The following KHDRBS2 variants were observed in gnomAD, a reference collection of about 807,000 sequenced individuals.
KHDRBS2 encodes the protein KH RNA binding domain containing, signal transduction associated 2, also known as KH domain-containing, RNA-binding, signal transduction-associated protein 2.
A neutral mutation model predicts 44.3 loss-of-function variants in KHDRBS2; 26 were observed. The ratio of observed to expected loss-of-function variants is 0.59; its 90% confidence interval spans 0.43 to 0.81. The LOEUF (loss-of-function observed/expected upper bound fraction) is 0.81, where lower values mean the gene tolerates loss of function less well. Among genes scored for constraint, KHDRBS2 ranks in the 40% least tolerant of loss-of-function variants. KHDRBS2 has a pLI of 0.00. For missense variants in KHDRBS2, 476 were observed against 433.1 expected (o/e 1.10, Z -0.88); for synonymous variants, 194 against 151.1 (o/e 1.28, Z -2.08).
At chr6:61,548,901 T>C in the KHDRBS2 span, among the ~76,000 whole-genome samples, 10 of 152,102 alleles carry the variant, frequency 6.6e-5, no homozygotes, top group African/African-American at 2.4e-4. Context: ...CGTGCATCTC[T>C]TTCCAACTCC....
intron 6 of KHDRBS2, among the ~76,000 whole-genome samples, chr6:61,841,527 T>A (rs1793605634): frequency 6.6e-6 from 1 of 152,344 alleles, no homozygotes; most frequent in Non-Finnish European, 1.5e-5. Context: ...ATTTTAATAA[T>A]GACCTCATTA....
chr6:61,552,960 T>C, the KHDRBS2 span, among the ~76,000 whole-genome samples: 1 of 152,118 alleles, frequency 6.6e-6, no homozygotes, highest in Non-Finnish European at 1.5e-5. Flanking sequence ...TGACCTGTTA[T>C]TGTTGTTGTT....
intron 3 of KHDRBS2, among the ~76,000 whole-genome samples, chr6:62,040,418 T>C (rs889071146): frequency 6.6e-6 from 1 of 152,082 alleles, no homozygotes; most frequent in African/African-American, 2.4e-5. Flanking sequence ...TCTAAAATAA[T>C]GATTTTAATA....
chr6:62,188,835 T>C (rs2150129992), intron 1 of KHDRBS2, among the ~76,000 whole-genome samples: 1 of 152,234 alleles, frequency 6.6e-6, no homozygotes, highest in African/African-American at 2.4e-5. Flanking sequence ...GTCAGTAGGC[T>C]GGGTGCGGTG....
intron 6 of KHDRBS2, among the ~76,000 whole-genome samples, chr6:61,839,407 A>C (rs1401611158): frequency 6.6e-6 from 1 of 152,074 alleles, no homozygotes. Flanking sequence ...AACAGGGTGA[A>C]AAAAACGACT....
At chr6:61,632,554 CA>C in the KHDRBS2 span, among the ~76,000 whole-genome samples, 1 of 152,094 alleles carries the variant, frequency 6.6e-6, no homozygotes, top group African/African-American at 2.4e-5. Context: ...AGTAAAAGTT[CA>C]TATGAAATTT....
the KHDRBS2 span, among the ~76,000 whole-genome samples, chr6:61,543,542 C>T: frequency 1.8e-4 from 27 of 151,994 alleles, no homozygotes; most frequent in Admixed American, 3.3e-4. Context: ...TTTGAAGGCT[C>T]CTTAAAAAAA....
the KHDRBS2 span, among the ~76,000 whole-genome samples, chr6:61,642,757 A>G: frequency 6.6e-6 from 1 of 152,172 alleles, no homozygotes; most frequent in Non-Finnish European, 1.5e-5. Context: ...GCCTACATAA[A>G]TAATGCCATC....
At chr6:61,643,188 AG>A in the KHDRBS2 span, among the ~76,000 whole-genome samples, 2 of 152,186 alleles carry the variant, frequency 1.3e-5, no homozygotes, top group African/African-American at 4.8e-5. Context: ...TGTATATAAA[AG>A]TTTCAAAAAG....
the KHDRBS2 span, among the ~76,000 whole-genome samples, chr6:61,573,516 A>G: frequency 6.6e-6 from 1 of 152,298 alleles, no homozygotes; most frequent in African/African-American, 2.4e-5. Context: ...CAAGCTGGGC[A>G]TGGTGGCTCA....
chr6:61,772,844 T>G (rs577779261), intron 6 of KHDRBS2, among the ~76,000 whole-genome samples: 1 of 152,108 alleles, frequency 6.6e-6, no homozygotes, highest in East Asian at 1.9e-4. Context: ...CCTGTGTCCA[T>G]GTCTTCTAAT....
intron 7 of KHDRBS2, among the ~76,000 whole-genome samples, chr6:61,723,879 G>A (rs186732103): frequency 1.1e-3 from 169 of 152,222 alleles, no homozygotes; most frequent in African/African-American, 3.9e-3. Flanking sequence ...AGAATGGAAC[G>A]AAGTTGTAAA....
rs558595183 is a variant in KHDRBS2, at chr6:61,775,089, C to T, written c.811-42325G>A. Among the ~76,000 whole-genome samples, 4 of 152,200 alleles carry T rather than the reference C, an allele frequency of 2.6e-5. No homozygotes were observed. The South Asian group carries it at 6.2e-4, about 24-fold the overall frequency. ...AGAAAAGACCTTTGACAAAATTCAA[C>T]AACCCTTCATGCTAAAAGCTCTCAA... On this transcript the variant is annotated intron_variant, in intron 6 of 8. Transcript: ENST00000281156.
intron 2 of KHDRBS2, among the ~76,000 whole-genome samples, chr6:62,161,296 C>T (rs1336305286): frequency 1.3e-5 from 2 of 151,580 alleles, no homozygotes; most frequent in East Asian, 1.9e-4. Context: ...ACAGTTGGCC[C>T]TGCATATTCA....
intron 6 of KHDRBS2, among the ~76,000 whole-genome samples, chr6:61,750,461 G>C (rs1184063722): frequency 2.0e-5 from 3 of 152,040 alleles, no homozygotes; most frequent in Non-Finnish European, 4.4e-5. Flanking sequence ...GCTTGTAGTG[G>C]GTTTTGTCTT....
the KHDRBS2 span, among the ~76,000 whole-genome samples, chr6:61,556,330 C>T: frequency 1.3e-5 from 2 of 152,118 alleles, no homozygotes; most frequent in Non-Finnish European, 2.9e-5. Context: ...AATGTCCATG[C>T]TAGAAAAATC....
chr6:61,920,350 T>C (rs1459196715), intron 4 of KHDRBS2, among the ~76,000 whole-genome samples: 1 of 151,828 alleles, frequency 6.6e-6, no homozygotes, highest in African/African-American at 2.4e-5. Flanking sequence ...GTTAGAAGGA[T>C]TAAACATGTA....
intron 2 of KHDRBS2, among the ~76,000 whole-genome samples, chr6:62,065,366 A>G (rs924357277): frequency 1.3e-5 from 2 of 151,668 alleles, no homozygotes; most frequent in African/African-American, 4.8e-5. Flanking sequence ...CACAATAGCA[A>G]AGACTTGGAA....
intron 3 of KHDRBS2, among the ~76,000 whole-genome samples, chr6:61,995,540 C>T (rs1343285219): frequency 6.6e-6 from 1 of 152,130 alleles, no homozygotes; most frequent in Non-Finnish European, 1.5e-5. Context: ...AGGGTTATAA[C>T]ACTGTTTTTG....
Sources: allele counts gnomAD v4.1 joint callset (sites outside exome capture counted in the v4.1 genomes callset), GRCh38; gene constraint gnomAD v4.1.1; transcripts MANE v1.5; gene names NCBI Gene and HGNC (gene_info 2026-07-23, HGNC 2026-07-21).